The following CSMD1 variants were observed in gnomAD, a reference collection of about 807,000 sequenced individuals.
The protein encoded by CSMD1 is CUB and sushi domain-containing protein 1.
Under a neutral mutation model 417.5 loss-of-function variants are expected in CSMD1, and 213 were observed. That is an observed-to-expected ratio of 0.51 (90% CI 0.46 to 0.57). The LOEUF is 0.57. Among genes scored for constraint, CSMD1 ranks in the 20% least tolerant of loss-of-function variants. The probability of loss-of-function intolerance (pLI) is 0.00; values close to 1 mark genes in which losing one functional copy is unlikely to be tolerated. For synonymous variants in CSMD1, 2,862 were observed against 1,736.8 expected, an observed-to-expected ratio of 1.65 and a Z score of -16.11; for missense variants, 6,923 against 4,529.7, an observed-to-expected ratio of 1.53 and a Z score of -15.17.
intron 3 of CSMD1, among the ~76,000 whole-genome samples, chr8:4,235,433 A>G (rs1422693686): frequency 6.6e-6 from 1 of 151,752 alleles, no homozygotes; most frequent in Non-Finnish European, 1.5e-5. Context: ...AAGGCTATGT[A>G]GTATGCCATG....
chr8:3,523,875 GCA>G (rs775187178), intron 10 of CSMD1, among the ~76,000 whole-genome samples: 8 of 105,850 alleles, frequency 7.6e-5, no homozygotes, highest in Middle Eastern at 0.011. Flanking sequence ...ACTTACACAT[GCA>G]CACACATGCA....
chr8:4,495,230 G>A (rs980542551), intron 2 of CSMD1, among the ~76,000 whole-genome samples: 1 of 152,110 alleles, frequency 6.6e-6, no homozygotes, highest in African/African-American at 2.4e-5. Context: ...GATTAATAAT[G>A]GGAAACTACC....
At chr8:4,192,982 C>A (rs370093749) in intron 3 of CSMD1, among the ~76,000 whole-genome samples, 1 of 152,164 alleles carries the variant, frequency 6.6e-6, no homozygotes, top group East Asian at 1.9e-4. Flanking sequence ...GAGTGTTTTG[C>A]AAATCAAATG....
At chr8:4,657,212 A>G (rs1315663677) in intron 1 of CSMD1, among the ~76,000 whole-genome samples, 1 of 152,152 alleles carries the variant, frequency 6.6e-6, no homozygotes, top group Non-Finnish European at 1.5e-5. Context: ...AATTTTCCCA[A>G]ACTTTCACAC....
chr8:4,440,205 C>A (rs1004560941), intron 2 of CSMD1, among the ~76,000 whole-genome samples: 2 of 152,096 alleles, frequency 1.3e-5, no homozygotes, highest in East Asian at 1.9e-4. Context: ...ATCCAGCAAC[C>A]TTTTGAAATA....
chr8:3,291,095 G>C (rs1237046501), intron 25 of CSMD1, among the ~76,000 whole-genome samples: 1 of 152,120 alleles, frequency 6.6e-6, no homozygotes, highest in Non-Finnish European at 1.5e-5. Flanking sequence ...TGTGGTTTTT[G>C]TCGTTGGTTC....
chr8:3,599,302 C>G (rs1280080186), intron 8 of CSMD1, among the ~76,000 whole-genome samples: 1 of 149,778 alleles, frequency 6.7e-6, no homozygotes, highest in Non-Finnish European at 1.5e-5. Flanking sequence ...TGTGTGGGTG[C>G]TGAGAACACC....
chr8:4,325,101 C>T (rs1799484346), intron 3 of CSMD1, among the ~76,000 whole-genome samples: 1 of 152,090 alleles, frequency 6.6e-6, no homozygotes, highest in African/African-American at 2.4e-5. Flanking sequence ...CATCAGTAAC[C>T]CACTTGATGA....
intron 5 of CSMD1, among the ~76,000 whole-genome samples, chr8:3,976,513 G>T (rs533067913): frequency 6.6e-6 from 1 of 152,058 alleles, no homozygotes; most frequent in East Asian, 1.9e-4. Flanking sequence ...AATATTTGTT[G>T]AATAGTCAAA....
At chr8:3,633,648 T>A (rs1796889228) in intron 7 of CSMD1, among the ~76,000 whole-genome samples, 1 of 152,228 alleles carries the variant, frequency 6.6e-6, no homozygotes, top group South Asian at 2.1e-4. Flanking sequence ...TAATGACATA[T>A]TTTTCAATCT....
chr8:4,771,056 A>G (rs571602010), intron 1 of CSMD1, among the ~76,000 whole-genome samples: 137 of 152,328 alleles, frequency 9.0e-4, no homozygotes, highest in African/African-American at 3.3e-3. Context: ...CAAACCATAT[A>G]TCAGATAAGG....
At chr8:4,084,044 A>T (rs1476643870) in intron 3 of CSMD1, among the ~76,000 whole-genome samples, 1 of 152,212 alleles carries the variant, frequency 6.6e-6, no homozygotes, top group East Asian at 1.9e-4. Flanking sequence ...AAACCCTTTT[A>T]AAATTAGTAG....
At chr8:3,513,162 ATGCCTAG>A in intron 10 of CSMD1, among the ~76,000 whole-genome samples, 1 of 152,030 alleles carries the variant, frequency 6.6e-6, no homozygotes, top group Admixed American at 6.6e-5. Context: ...TTCAGCTACA[ATGCCTAG>A]ACTTTACTCT....
chr8:2,970,754 A>G (rs1563193273), intron 57 of CSMD1, among the ~76,000 whole-genome samples: 1 of 152,180 alleles, frequency 6.6e-6, no homozygotes. Context: ...GTGCTTTCCA[A>G]AAGTCCCGAA....
At chr8:3,271,809 C>T (rs188916930) in intron 26 of CSMD1, among the ~76,000 whole-genome samples, 8 of 152,018 alleles carry the variant, frequency 5.3e-5, no homozygotes, top group African/African-American at 1.9e-4. Flanking sequence ...TGTTTGAGTT[C>T]ATTATAGATT....
At chr8:4,031,545 G>A (rs539644844) in intron 4 of CSMD1, among the ~76,000 whole-genome samples, 80 of 152,276 alleles carry the variant, frequency 5.3e-4, no homozygotes, top group African/African-American at 1.5e-3. Context: ...GGGAACTACC[G>A]TTCAACATGA....
At chr8:3,685,597 C>T (rs562166716) in intron 7 of CSMD1, among the ~76,000 whole-genome samples, 3 of 152,012 alleles carry the variant, frequency 2.0e-5, no homozygotes, top group Admixed American at 6.6e-5. Context: ...CATCTCATTG[C>T]CTGGATATGG....
At chr8:4,243,248 G>T (rs1190374540) in intron 3 of CSMD1, among the ~76,000 whole-genome samples, 1 of 152,120 alleles carries the variant, frequency 6.6e-6, no homozygotes. Flanking sequence ...GAGATCACCA[G>T]CTCAGGTATT....
intron 10 of CSMD1, among the ~76,000 whole-genome samples, chr8:3,505,852 G>C (rs1796801466): frequency 6.6e-6 from 1 of 152,086 alleles, no homozygotes; most frequent in Non-Finnish European, 1.5e-5. Context: ...CACCAACTTG[G>C]CTGAAAGGTG....
Sources: allele counts gnomAD v4.1 joint callset (sites outside exome capture counted in the v4.1 genomes callset), GRCh38; gene constraint gnomAD v4.1.1; transcripts MANE v1.5; gene names NCBI Gene and HGNC (gene_info 2026-07-23, HGNC 2026-07-21).